PRDM5: variants seen among roughly 807,000 people sequenced by gnomAD.
PRDM5 encodes the protein PR domain zinc finger protein 5.
In PRDM5, 56 loss-of-function variants were observed where a neutral mutation model predicts 81.2. That is an observed-to-expected ratio of 0.69 (90% confidence interval 0.56 to 0.86). The LOEUF is 0.86. Among genes scored for constraint, PRDM5 ranks in the 40% least tolerant of loss-of-function variants. The pLI is 0.00. For missense variants in PRDM5, 697 were observed against 770.1 expected, an observed-to-expected ratio of 0.91 and a Z score of 1.12; for synonymous variants, 267 against 256.4, an observed-to-expected ratio of 1.04 and a Z score of -0.39.
chr4:120,696,824 G>T (rs2148987893), intron 15 of PRDM5, among the ~76,000 whole-genome samples: 1 of 152,230 alleles, frequency 6.6e-6, no homozygotes, highest in East Asian at 1.9e-4. Context: ...AAGAGTGGCA[G>T]TCCCCTGGAA....
At chr4:120,799,082 T>C (rs1578778613) in intron 9 of PRDM5, among the ~76,000 whole-genome samples, 1 of 152,254 alleles carries the variant, frequency 6.6e-6, no homozygotes, top group East Asian at 1.9e-4. Context: ...AGAGACTCCA[T>C]AAAGTAAAAA....
intron 15 of PRDM5, 69 bp downstream of exon 15, chr4:120,710,236 CACAT>C (rs1736766595): frequency 1.1e-5 from 14 of 1,224,156 alleles, no homozygotes; most frequent in Admixed American, 3.8e-5. Flanking sequence ...CACACACACA[CACAT>C]ACACACACAC....
At chr4:120,774,902 A>ATATATATATGTATATGTATATG (rs1553963976) in intron 13 of PRDM5, among the ~76,000 whole-genome samples, 21 of 146,052 alleles carry the variant, frequency 1.4e-4, no homozygotes, top group African/African-American at 5.0e-4. Flanking sequence ...ATATATATAT[A>ATATATATATGTATATGTATATG]TATATGTATA....
chr4:120,878,605 G>A (rs1317605113), intron 2 of PRDM5, among the ~76,000 whole-genome samples: 2 of 152,076 alleles, frequency 1.3e-5, no homozygotes, highest in African/African-American at 4.8e-5. Context: ...CTCTGTGAAA[G>A]ACACTGTAAA....
intron 3 of PRDM5, among the ~76,000 whole-genome samples, chr4:120,830,259 G>A (rs1359317702): frequency 2.6e-5 from 4 of 152,072 alleles, no homozygotes; most frequent in Non-Finnish European, 2.9e-5. Flanking sequence ...TACCTTATGA[G>A]TTTGGCCGGG....
downstream of PRDM5, among the ~76,000 whole-genome samples, chr4:120,687,354 G>C (rs958872092): frequency 1.3e-5 from 2 of 151,986 alleles, no homozygotes; most frequent in African/African-American, 4.8e-5. Flanking sequence ...GGCTACTTTA[G>C]ATACCTCATT....
In PRDM5 at chr4:120,748,642, CA is replaced by C. The variant is rs34983420; in HGVS notation, c.1623+5910del. Among the ~76,000 whole-genome samples the C allele has an allele frequency of 6.0e-3, 842 of 140,420 alleles. 4 individuals are homozygous for C. Among genetic ancestry groups the C allele is most frequent in the African/African-American group, 0.013 (507 of 38,638 alleles). 92.1% of individuals were successfully genotyped at this position (140,420 alleles called of 152,430 possible). On this transcript the variant is annotated intron_variant, in intron 14 of 15. Transcript: ENST00000264808. The stretch of plus-strand genomic sequence containing the variant: ...GGCAGCAGAGCAAGACCCTCTCTCT[CA>C]AAAAAAAAAAAAATTCCCCAAAAGA...
At chr4:120,788,755 A>G (rs1382401847) in intron 10 of PRDM5, among the ~76,000 whole-genome samples, 1 of 152,222 alleles carries the variant, frequency 6.6e-6, no homozygotes, top group Non-Finnish European at 1.5e-5. Context: ...AAAGCCAATG[A>G]CATATTTTAA....
intron 3 of PRDM5, among the ~76,000 whole-genome samples, chr4:120,823,713 T>C (rs1328525102): frequency 6.6e-6 from 1 of 152,230 alleles, no homozygotes; most frequent in Non-Finnish European, 1.5e-5. Context: ...GGAGCCATTT[T>C]GTCCACCTGG....
chr4:120,792,498 A>G (rs1376479381), intron 10 of PRDM5, among the ~76,000 whole-genome samples: 1 of 152,220 alleles, frequency 6.6e-6, no homozygotes, highest in African/African-American at 2.4e-5. Flanking sequence ...CATTGTAGAA[A>G]ACAGTATGGA....
intron 3 of PRDM5, among the ~76,000 whole-genome samples, chr4:120,836,438 A>C (rs1188160619): frequency 1.3e-5 from 2 of 152,196 alleles, no homozygotes; most frequent in East Asian, 1.9e-4. Context: ...AGTATAAAAC[A>C]GGATACTTGT....
intron 14 of PRDM5, among the ~76,000 whole-genome samples, chr4:120,748,619 C>T (rs1743498819): frequency 6.6e-6 from 1 of 150,866 alleles, no homozygotes; most frequent in Non-Finnish European, 1.5e-5. Flanking sequence ...CCAGTCTGGG[C>T]AGCAGAGCAA....
At chr4:120,738,721 T>C (rs1741472942) in intron 14 of PRDM5, among the ~76,000 whole-genome samples, 1 of 152,286 alleles carries the variant, frequency 6.6e-6, no homozygotes. Context: ...GTGCTCACTT[T>C]AGAGCTCTGT....
chr4:120,687,824 C>G (rs1276181078), downstream of PRDM5, among the ~76,000 whole-genome samples: 2 of 152,034 alleles, frequency 1.3e-5, no homozygotes, highest in Non-Finnish European at 1.5e-5. Context: ...TCTCTTGTGC[C>G]CTTTCACCTT....
In PRDM5 at chr4:120,884,979, T is replaced by C. The variant is rs557303615; in HGVS notation, c.177+22495A>G. Among the ~76,000 whole-genome samples the C allele has an allele frequency of 4.1e-5, 6 of 147,188 alleles. No individual in the cohort carries two copies. The South Asian group carries it at 1.3e-3, about 31-fold the overall frequency. On this transcript the variant is annotated intron_variant, in intron 2 of 15. Transcript: ENST00000264808. The stretch of plus-strand genomic sequence containing the variant: ...TCCTGGCTAACATGGTGAAACCCCC[T>C]CTCTACTAAAAATACAAAAAATTAC...
downstream of PRDM5, among the ~76,000 whole-genome samples, chr4:120,689,345 AT>A (rs1733951039): frequency 6.6e-6 from 1 of 152,130 alleles, no homozygotes; most frequent in South Asian, 2.1e-4. Flanking sequence ...TAAGAGATGG[AT>A]TTTATGCGAG....
In PRDM5 at chr4:120,770,118, C is replaced by T. The variant is rs186918956; in HGVS notation, c.1537+7070G>A. On this transcript the variant is annotated intron_variant, in intron 13 of 15. Coordinates refer to ENST00000264808, the MANE Select transcript of PRDM5 (RefSeq NM_018699.4). ...CGTGATCTTGGTTCACTGCAACCTC[C>T]GCCTTCCAGGTCCAAGTGATTCTCC... Among the ~76,000 whole-genome samples the T allele has an allele frequency of 2.4e-4, 36 of 152,176 alleles. No individual in the cohort carries two copies. In the East Asian group the frequency reaches 6.2e-3, roughly 26 times the overall value.
chr4:120,916,370 G>A (rs933902195), intron 1 of PRDM5, among the ~76,000 whole-genome samples: 3 of 147,800 alleles, frequency 2.0e-5, no homozygotes, highest in African/African-American at 7.5e-5. Context: ...CTGGACGACA[G>A]AGCAAGACTG....
At chr4:120,818,564 A>T in intron 4 of PRDM5, 37 bp from the exon 5 acceptor site, 1 of 1,567,118 alleles carries the variant, frequency 6.4e-7, no homozygotes, top group Non-Finnish European at 8.8e-7. Context: ...ATGAGACAAA[A>T]ATTCAGAGCC....
Sources: allele counts gnomAD v4.1 joint callset (sites outside exome capture counted in the v4.1 genomes callset), GRCh38; gene constraint gnomAD v4.1.1; transcripts MANE v1.5; gene names NCBI Gene and HGNC (gene_info 2026-07-23, HGNC 2026-07-21).